KCNQ3: variants seen among roughly 807,000 people sequenced by gnomAD.
KCNQ3 encodes the protein potassium voltage-gated channel subfamily Q member 3.
Under a neutral mutation model 92.5 loss-of-function variants are expected in KCNQ3, and 30 were observed. The observed-to-expected ratio is 0.32, with a 90% CI of 0.24 to 0.44. The LOEUF (loss-of-function observed/expected upper bound fraction) is 0.44, where lower values mean the gene tolerates loss of function less well. Among genes scored for constraint, KCNQ3 ranks in the 20% least tolerant of loss-of-function variants. KCNQ3 has a pLI of 1.00. For synonymous variants in KCNQ3, 450 were observed against 468.8 expected (o/e 0.96, Z 0.52); for missense variants, 913 against 1,140.3 (o/e 0.80, Z 2.87).
chr8:132,348,559 C>T (rs916875612), intron 1 of KCNQ3, among the ~76,000 whole-genome samples: 5 of 152,166 alleles, frequency 3.3e-5, no homozygotes, highest in African/African-American at 7.2e-5. Context: ...TGTGCATAAA[C>T]TAAAATTTTA....
chr8:132,157,790 C>A (rs115195574), intron 9 of KCNQ3, among the ~76,000 whole-genome samples: 187 of 152,204 alleles, frequency 1.2e-3, no homozygotes, highest in African/African-American at 4.4e-3. Context: ...TTAAGCCCCA[C>A]ATACATTAGG....
chr8:132,317,245 T>C (rs557259818), intron 1 of KCNQ3, among the ~76,000 whole-genome samples: 6 of 152,284 alleles, frequency 3.9e-5, no homozygotes, highest in Non-Finnish European at 8.8e-5. Flanking sequence ...TTAAAAATAG[T>C]TGTAAGGTGA....
At chr8:132,416,123 G>A (rs1404428404) in intron 1 of KCNQ3, among the ~76,000 whole-genome samples, 1 of 152,160 alleles carries the variant, frequency 6.6e-6, no homozygotes, top group African/African-American at 2.4e-5. Context: ...TTGTCTTGAG[G>A]CACTCACGTT....
At chr8:132,189,792 C>T (rs1006551028) in intron 1 of KCNQ3, among the ~76,000 whole-genome samples, 10 of 148,228 alleles carry the variant, frequency 6.7e-5, no homozygotes, top group African/African-American at 2.5e-4. Context: ...TGCCACTGCA[C>T]TCCAACCTGG....
intron 1 of KCNQ3, among the ~76,000 whole-genome samples, chr8:132,280,870 C>T (rs1816493245): frequency 6.6e-6 from 1 of 152,082 alleles, no homozygotes; most frequent in Non-Finnish European, 1.5e-5. Flanking sequence ...ATGGTAGGAA[C>T]TGAGCATAGA....
At chr8:132,338,419 C>T (rs536273769) in intron 1 of KCNQ3, among the ~76,000 whole-genome samples, 1 of 152,310 alleles carries the variant, frequency 6.6e-6, no homozygotes, top group South Asian at 2.1e-4. Context: ...TCCATGTCCT[C>T]TCTGAGGGAT....
chr8:132,419,986 G>T (rs1820923810), intron 1 of KCNQ3, among the ~76,000 whole-genome samples: 1 of 152,220 alleles, frequency 6.6e-6, no homozygotes, highest in African/African-American at 2.4e-5. Context: ...ACCAGAGAGT[G>T]AGTAGCTTAT....
chr8:132,267,180 TA>T (rs1043871554), intron 1 of KCNQ3, among the ~76,000 whole-genome samples: 7 of 151,988 alleles, frequency 4.6e-5, no homozygotes, highest in South Asian at 2.1e-4. Flanking sequence ...CCACTAAACA[TA>T]AAAAAAGTGG....
At chr8:132,434,219 A>T (rs546235337) in intron 1 of KCNQ3, among the ~76,000 whole-genome samples, 116 of 133,644 alleles carry the variant, frequency 8.7e-4, no homozygotes, top group East Asian at 3.1e-3. Flanking sequence ...AAAAAAAAAA[A>T]AAAAAAAATA....
intron 1 of KCNQ3, among the ~76,000 whole-genome samples, chr8:132,357,727 T>C (rs1158992634): frequency 2.0e-5 from 3 of 152,206 alleles, no homozygotes; most frequent in Non-Finnish European, 4.4e-5. Context: ...CCTGAGACTG[T>C]CTTCCTTGCT....
chr8:132,467,507 G>A (rs1822200784), intron 1 of KCNQ3, among the ~76,000 whole-genome samples: 1 of 152,126 alleles, frequency 6.6e-6, no homozygotes, highest in Non-Finnish European at 1.5e-5. Flanking sequence ...TAGATGGGAG[G>A]CAGGGGAAGG....
At chr8:132,212,426 T>A (rs991601104) in intron 1 of KCNQ3, among the ~76,000 whole-genome samples, 2 of 152,072 alleles carry the variant, frequency 1.3e-5, no homozygotes, top group Admixed American at 1.3e-4. Flanking sequence ...CTTCAAGCAT[T>A]GGGAGGCAGT....
intron 1 of KCNQ3, among the ~76,000 whole-genome samples, chr8:132,263,912 C>T (rs964662159): frequency 6.6e-6 from 1 of 152,194 alleles, no homozygotes; most frequent in African/African-American, 2.4e-5. Context: ...TCTTGTCTCA[C>T]CCTGTGACCC....
intron 12 of KCNQ3, among the ~76,000 whole-genome samples, chr8:132,136,253 T>G (rs1057129602): frequency 8.6e-5 from 13 of 151,540 alleles, no homozygotes; most frequent in Non-Finnish European, 1.5e-5. Flanking sequence ...GACACTCCAG[T>G]GGGACAACAT....
chr8:132,241,829 C>T lies in KCNQ3; in HGVS notation c.387-55648G>A, dbSNP rs138408980. 3.4e-4 allele frequency among the ~76,000 whole-genome samples: 51 copies of T among 151,996 alleles called. No individual in the cohort carries two copies. In the East Asian group the frequency reaches 5.7e-3, roughly 17 times the overall value. On this transcript the variant is annotated intron_variant, in intron 1 of 14. Transcript: ENST00000388996. ...AGCCTGGGCGACAAGAGCGAGACTC[C>T]GTCTAAATTAAAGAACAAAACAAAA...
chr8:132,261,553 C>T (rs938109804), intron 1 of KCNQ3, among the ~76,000 whole-genome samples: 8 of 152,188 alleles, frequency 5.3e-5, no homozygotes, highest in Non-Finnish European at 1.0e-4. Context: ...AGTCTTCCCT[C>T]GGCTGGCTGC....
intron 8 of KCNQ3, among the ~76,000 whole-genome samples, chr8:132,166,775 G>A (rs1332246818): frequency 6.6e-6 from 1 of 152,164 alleles, no homozygotes; most frequent in Non-Finnish European, 1.5e-5. Flanking sequence ...ACACTAAGCT[G>A]AAAATTGTGA....
chr8:132,208,238 A>G (rs538975800), intron 1 of KCNQ3, among the ~76,000 whole-genome samples: 1 of 152,178 alleles, frequency 6.6e-6, no homozygotes, highest in Admixed American at 6.5e-5. Context: ...AATTACACCA[A>G]TTACTTTAAT....
chr8:132,139,839 G>A (rs1398915174), intron 11 of KCNQ3, among the ~76,000 whole-genome samples: 3 of 152,128 alleles, frequency 2.0e-5, no homozygotes, highest in African/African-American at 2.4e-5. Context: ...GCTGTGGGGC[G>A]TGTTTATAAC....
Sources: gnomAD v4.1 joint callset for allele counts (sites outside exome capture counted in the v4.1 genomes callset) on GRCh38, gnomAD v4.1.1 for gene constraint, MANE v1.5 for transcripts, NCBI Gene and HGNC (gene_info 2026-07-23, HGNC 2026-07-21) for gene names.